Variants in ADCY3 observed in about 807,000 individuals in gnomAD.
ADCY3 encodes adenylate cyclase 3.
In ADCY3, 70 loss-of-function variants were observed where a neutral mutation model predicts 119.4. That is an observed-to-expected ratio of 0.59 (90% CI 0.48 to 0.72). ADCY3 has a LOEUF of 0.72. ADCY3 is among the 30% of genes least tolerant of loss of function. The pLI is 0.00. For missense variants in ADCY3, 1,238 were observed against 1,541.6 expected, an observed-to-expected ratio of 0.80 and a Z score of 3.30; for synonymous variants, 672 against 621.4, an observed-to-expected ratio of 1.08 and a Z score of -1.21.
At chr2:24,893,445 G>A (rs1305602364) in intron 2 of ADCY3, among the ~76,000 whole-genome samples, 1 of 151,996 alleles carries the variant, frequency 6.6e-6, no homozygotes, top group African/African-American at 2.4e-5. Context: ...TTGATCTCCC[G>A]GCCTCAAGCA....
At position 24,872,557 on chromosome 2, in the gene ADCY3, C is replaced by G. The variant is rs745565223; in HGVS notation, c.825+13G>C. The G allele has an allele frequency of 1.5e-5, 24 of 1,612,984 alleles. 1 individual carries two copies. The highest frequency in any genetic ancestry group is 1.5e-5 in the Non-Finnish European group (18 of 1,179,246). ...GCCCAAGCTCCAGGCCCGAGGCCTC[C>G]CGAGAGCCTCACCTGCTGCTGGCTC... is the stretch of plus-strand genomic sequence containing the variant. On this transcript the variant is annotated intron_variant, in intron 3 of 21. Transcript: ENST00000679454. The surrounding 1 kb of genome is among the most constrained non-coding windows in gnomAD (Gnocchi z 4.4).
chr2:24,829,638 G>A (rs943334538), intron 13 of ADCY3, among the ~76,000 whole-genome samples: 5 of 151,200 alleles, frequency 3.3e-5, no homozygotes, highest in East Asian at 2.0e-4. Context: ...TAGCCAGGAT[G>A]ATTTCGATCT....
At chr2:24,914,108 C>T (rs572984028) in intron 2 of ADCY3, among the ~76,000 whole-genome samples, 6 of 152,168 alleles carry the variant, frequency 3.9e-5, no homozygotes, top group East Asian at 1.9e-4. Context: ...CAAGTAATTC[C>T]GTAACAGGTC....
intron 2 of ADCY3, among the ~76,000 whole-genome samples, chr2:24,914,910 C>G (rs1278226946): frequency 6.6e-6 from 1 of 152,084 alleles, no homozygotes; most frequent in Admixed American, 6.5e-5. Flanking sequence ...CAGCCCCACC[C>G]CATCCCACAC....
At position 24,826,108 on chromosome 2, in the gene ADCY3, G is replaced by A. The variant is rs1668580423; in HGVS notation, c.2514C>T (p.Ser838=). 1 of 1,613,872 alleles carries A rather than the reference G, an allele frequency of 6.2e-7. No homozygotes were observed. Among genetic ancestry groups the A allele is most frequent in the African/African-American group, 1.3e-5 (1 of 74,866 alleles). The stretch of plus-strand genomic sequence containing the variant: ...ACACCATCACCGTCATAGAGTACTT[G>A]GAAGGCACCAGGGGCAGCCTGCTGG... ...NGTDRLPLVP[S]KYSMTVMVFL... Residue 838 remains serine (S), a synonymous_variant, in exon 16 of 22, where the codon TCC becomes TCT. Coordinates refer to ENST00000679454, the MANE Select transcript of ADCY3 (RefSeq NM_004036.5).
chr2:24,860,347 C>A (rs577471271), intron 3 of ADCY3, among the ~76,000 whole-genome samples: 2 of 152,254 alleles, frequency 1.3e-5, no homozygotes, highest in Non-Finnish European at 1.5e-5. Flanking sequence ...CACATGCCCA[C>A]AGAGCCGGGA....
intron 2 of ADCY3, among the ~76,000 whole-genome samples, chr2:24,875,995 G>GT (rs1292240828): frequency 1.3e-5 from 2 of 151,510 alleles, no homozygotes; most frequent in African/African-American, 4.9e-5. Context: ...TTGGGAGGGG[G>GT]GCGGTGGTGC....
chr2:24,910,606 A>C (rs1316342934), intron 2 of ADCY3, among the ~76,000 whole-genome samples: 1 of 151,848 alleles, frequency 6.6e-6, no homozygotes, highest in Non-Finnish European at 1.5e-5. Flanking sequence ...ATGTTTTTAG[A>C]TACTACACTA....
intron 2 of ADCY3, among the ~76,000 whole-genome samples, chr2:24,897,084 G>A (rs139585330): frequency 2.1e-4 from 32 of 152,054 alleles, no homozygotes; most frequent in Admixed American, 6.5e-4. Context: ...TCATCTTTTC[G>A]CAAGATGACA....
chr2:24,844,290 G>A (rs781393605), intron 3 of ADCY3, among the ~76,000 whole-genome samples: 2 of 152,026 alleles, frequency 1.3e-5, no homozygotes, highest in Non-Finnish European at 2.9e-5. Flanking sequence ...CTGTGCCTAG[G>A]GTGCAGGTCC....
At chr2:24,833,965 C>G (rs927597447) in intron 11 of ADCY3, among the ~76,000 whole-genome samples, 1 of 151,990 alleles carries the variant, frequency 6.6e-6, no homozygotes, top group East Asian at 1.9e-4. Context: ...AAAGGGAGAA[C>G]AAGAGAGTGG....
chr2:24,846,428 A>G (rs774282363), intron 3 of ADCY3, among the ~76,000 whole-genome samples: 3 of 152,174 alleles, frequency 2.0e-5, no homozygotes, highest in African/African-American at 7.2e-5. Context: ...TTGGAGCTTT[A>G]AAATTTAAGC....
Position 24,823,339 on chromosome 2 carries a change from G to A in ADCY3, c.2753C>T (p.Thr918Met), listed in dbSNP as rs776200284. 3.0e-5 allele frequency: 48 copies of A among 1,613,220 alleles called. No homozygotes were observed. The South Asian group carries it at 3.5e-4, about 12-fold the overall frequency. The change falls in exon 18 of 22, where the codon ACG becomes ATG. Residue 918 changes from threonine to methionine, a missense_variant. Thr to Met is a moderately conservative substitution (Grantham distance 81). Transcript: ENST00000679454. ...AAACATGACTCCAATCTCATCATAC[G>A]TCTGGCTATACAGCTCCTAAAAAGA... The part of the protein sequence containing the change: ...KKRDEELYSQ[T>M]YDEIGVMFAS...
intron 14 of ADCY3, 112 bp from the exon 15 acceptor site, chr2:24,827,720 A>C (rs1320226808): frequency 4.9e-6 from 7 of 1,427,628 alleles, no homozygotes; most frequent in Non-Finnish European, 6.8e-6. Flanking sequence ...GGAAGAATCT[A>C]TTCTCAGGTC....
chr2:24,828,359 C>CA (rs1490523937), intron 13 of ADCY3, among the ~76,000 whole-genome samples, 198 bp from the exon 14 acceptor site: 1 of 152,188 alleles, frequency 6.6e-6, no homozygotes, highest in East Asian at 1.9e-4. Flanking sequence ...GCCGTTGCCT[C>CA]ATTTGACATT....
intron 3 of ADCY3, among the ~76,000 whole-genome samples, chr2:24,844,902 G>A (rs1671487805): frequency 6.6e-6 from 1 of 152,204 alleles, no homozygotes; most frequent in South Asian, 2.1e-4. Flanking sequence ...GGACCCAGAG[G>A]GAGGTAATTG....
At chr2:24,831,947 A>G (rs1485351692) in intron 11 of ADCY3, among the ~76,000 whole-genome samples, 198 bp from the exon 12 acceptor site, 20 of 61,942 alleles carry the variant, frequency 3.2e-4, no homozygotes, top group Non-Finnish European at 4.6e-4. Flanking sequence ...AGGGGACAGC[A>G]GACAGGGGCA....
chr2:24,919,135 AG>A lies in ADCY3; in HGVS notation c.-149del, dbSNP rs1664815350. ...GGGCGGAGGGGAGGCCACCTCCAGC[AG>A]GAACGCAGAGCGGGTTTCCAGAGCA... is the stretch of plus-strand genomic sequence containing the variant. On this transcript the variant is annotated 5_prime_UTR_variant, in exon 2 of 22. Transcript: ENST00000679454. The surrounding 1 kb of genome is among the most constrained non-coding windows in gnomAD (Gnocchi z 5.5). The A allele has an allele frequency of 2.6e-6, 2 of 762,792 alleles. No homozygotes were observed. The highest frequency in any genetic ancestry group is 4.1e-6 in the Non-Finnish European group (2 of 484,928). The allele number at this position is 762,792 out of a possible 1,614,324, so 47.3% of individuals were successfully genotyped here.
chr2:24,910,979 C>T (rs1225624893), intron 2 of ADCY3, among the ~76,000 whole-genome samples: 9 of 152,034 alleles, frequency 5.9e-5, no homozygotes, highest in Non-Finnish European at 8.8e-5. Context: ...CACCATTATG[C>T]ACATCAGTTA....
Sources: gnomAD v4.1 joint callset for allele counts (sites outside exome capture counted in the v4.1 genomes callset) on GRCh38, gnomAD v4.1.1 for gene constraint, Gnocchi (gnomAD v3.1) non-coding constraint, MANE v1.5 for transcripts, NCBI Gene and HGNC (gene_info 2026-07-23, HGNC 2026-07-21) for gene names.